NRG3: variants seen among roughly 807,000 people sequenced by gnomAD.
NRG3 encodes the protein neuregulin 3.
In NRG3, 31 loss-of-function variants were observed where a neutral mutation model predicts 66.9. The observed-to-expected ratio is 0.46, with a 90% CI of 0.35 to 0.63. The LOEUF is 0.63. Ranked by LOEUF, NRG3 falls within the 20% of genes least tolerant of loss-of-function variation. NRG3 has a pLI of 0.00. For missense variants in NRG3, 910 were observed against 878.9 expected, an observed-to-expected ratio of 1.04 and a Z score of -0.45; for synonymous variants, 393 against 359.4, an observed-to-expected ratio of 1.09 and a Z score of -1.06.
At chr10:82,405,404 C>G (rs183016748) in intron 2 of NRG3, among the ~76,000 whole-genome samples, 14 of 150,410 alleles carry the variant, frequency 9.3e-5, no homozygotes, top group African/African-American at 3.2e-4. Context: ...AATGGCATGA[C>G]AGAGATTGTT....
intron 2 of NRG3, among the ~76,000 whole-genome samples, chr10:82,428,362 T>C (rs2136298437): frequency 7.0e-6 from 1 of 142,778 alleles, no homozygotes; most frequent in South Asian, 2.1e-4. Flanking sequence ...TAGCTGAATT[T>C]CATAATTGTT....
chr10:82,562,821 G>T (rs890680983), intron 2 of NRG3, among the ~76,000 whole-genome samples: 4 of 151,370 alleles, frequency 2.6e-5, no homozygotes, highest in African/African-American at 9.7e-5. Context: ...AAGGGACACA[G>T]AGTGGGTGGG....
Position 82,181,586 on chromosome 10 carries a change from T to G in NRG3, c.824-177153T>G, listed in dbSNP as rs554551780. On this transcript the variant is annotated intron_variant, in intron 1 of 8. Transcript: ENST00000372141. The stretch of plus-strand genomic sequence containing the variant: ...GAACTTTCTAGGTTCATTTTGGTAT[T>G]TATTTCTAATTTCATTCCACTGTAG... 7.9e-5 allele frequency among the ~76,000 whole-genome samples: 12 copies of G among 151,956 alleles called. No individual in the cohort carries two copies. The South Asian group carries it at 2.1e-3, about 26-fold the overall frequency.
intron 3 of NRG3, among the ~76,000 whole-genome samples, chr10:82,846,101 A>G (rs1002094895): frequency 1.3e-5 from 2 of 152,100 alleles, no homozygotes; most frequent in African/African-American, 4.8e-5. Flanking sequence ...ATCCTGTTTC[A>G]TGGGTGGGAT....
At chr10:82,621,413 A>G (rs1293083153) in intron 2 of NRG3, among the ~76,000 whole-genome samples, 1 of 152,182 alleles carries the variant, frequency 6.6e-6, no homozygotes. Flanking sequence ...TCTTAGCTGC[A>G]GTTTTGACCC....
intron 6 of NRG3, among the ~76,000 whole-genome samples, chr10:82,959,952 C>T (rs530104149): frequency 1.1e-4 from 16 of 152,244 alleles, no homozygotes; most frequent in East Asian, 3.9e-4. Context: ...ACACAGCATC[C>T]GCACTTTCAG....
chr10:82,341,118 A>C (rs1444818209), intron 1 of NRG3, among the ~76,000 whole-genome samples: 2 of 152,132 alleles, frequency 1.3e-5, no homozygotes, highest in East Asian at 3.9e-4. Context: ...TACACCAGCT[A>C]TGTATGCCCA....
intron 1 of NRG3, among the ~76,000 whole-genome samples, chr10:82,268,844 A>G (rs1170733786): frequency 1.3e-5 from 2 of 151,970 alleles, no homozygotes; most frequent in Admixed American, 6.6e-5. Context: ...GAGGATTGAT[A>G]CTCTTTCCAC....
intron 1 of NRG3, among the ~76,000 whole-genome samples, chr10:82,157,901 T>G (rs1213997640): frequency 6.6e-6 from 1 of 151,684 alleles, no homozygotes; most frequent in African/African-American, 2.4e-5. Flanking sequence ...AACCCAAACA[T>G]TATCAAGTGA....
At chr10:82,682,894 T>G (rs960380758) in intron 2 of NRG3, among the ~76,000 whole-genome samples, 1 of 151,914 alleles carries the variant, frequency 6.6e-6, no homozygotes, top group Non-Finnish European at 1.5e-5. Context: ...TGACAGATGT[T>G]TACCACACAC....
intron 2 of NRG3, among the ~76,000 whole-genome samples, chr10:82,405,188 T>C (rs1243361419): frequency 6.6e-6 from 1 of 152,118 alleles, no homozygotes; most frequent in African/African-American, 2.4e-5. Context: ...AAGTCACATA[T>C]TATATTAGAT....
chr10:81,875,575 C>G lies in NRG3; in HGVS notation c.235C>G (p.Leu79Val). 2 of 1,613,572 alleles carry G rather than the reference C, an allele frequency of 1.2e-6. No individual in the cohort carries two copies. Among genetic ancestry groups the G allele is most frequent in the South Asian group, 1.1e-5 (1 of 91,088 alleles). ...VVPLFIGFIG[L>V]GLSLMLLKWI... Reference sequence around the variant, plus strand: ...ACCTCTGTTCATCGGCTTCATCGGCCTGGGGCTCAGCCTCATGCTTCTCAA... The same window carrying G: ...ACCTCTGTTCATCGGCTTCATCGGCGTGGGGCTCAGCCTCATGCTTCTCAA... Residue 79 changes from leucine (L) to valine (V), a missense_variant, in exon 1 of 9, where the codon CTG becomes GTG. Transcript: ENST00000372141. The surrounding 1 kb of genome is among the most constrained non-coding windows in gnomAD (Gnocchi z 5.3).
intron 4 of NRG3, among the ~76,000 whole-genome samples, chr10:82,949,652 C>T (rs984853073): frequency 3.3e-5 from 5 of 151,938 alleles, no homozygotes; most frequent in African/African-American, 7.3e-5. Context: ...GTCAGGAGTT[C>T]GAGACCAGTC....
rs994132447 is a variant in NRG3, at chr10:82,193,382, A to G, written c.824-165357A>G. On this transcript the variant is annotated intron_variant, in intron 1 of 8. Coordinates refer to ENST00000372141, the MANE Select transcript of NRG3 (RefSeq NM_001010848.4). ...GGTCTTGAACTCCTGACCTCAAGTA[A>G]TCCCCCTGCCTCGACCTCCCAAAGT... Among the ~76,000 whole-genome samples the G allele has an allele frequency of 4.5e-4, 69 of 152,148 alleles. 2 individuals are homozygous for G. Among genetic ancestry groups the G allele is most frequent in the Non-Finnish European group, 7.4e-5 (5 of 68,024 alleles).
At position 82,377,435 on chromosome 10, in the gene NRG3, CGTGT is replaced by C. The variant is rs200662785; in HGVS notation, c.953+18587_953+18590del. ...AGAGAGGTGTATGTGTGTGTGTGCG[CGTGT>C]GTGTGTGTGTGTGTGTGTGCGCGAG... On this transcript the variant is annotated intron_variant, in intron 2 of 8. Transcript: ENST00000372141. 1.1e-3 allele frequency among the ~76,000 whole-genome samples: 152 copies of C among 132,312 alleles called. 1 individual carries two copies. Among genetic ancestry groups the C allele is most frequent in the African/African-American group, 2.8e-3 (105 of 38,108 alleles). 86.8% of individuals were successfully genotyped at this position (132,312 alleles called of 152,430 possible).
At chr10:82,321,925 A>G (rs1188849966) in intron 1 of NRG3, among the ~76,000 whole-genome samples, 10 of 152,214 alleles carry the variant, frequency 6.6e-5, no homozygotes, top group Admixed American at 6.5e-4. Flanking sequence ...TGGGGCATCA[A>G]AGTGCTGTCT....
intron 1 of NRG3, among the ~76,000 whole-genome samples, chr10:82,255,752 A>G (rs949998983): frequency 6.7e-6 from 1 of 150,120 alleles, no homozygotes; most frequent in Non-Finnish European, 1.5e-5. Flanking sequence ...ACAGGCATGC[A>G]TCAACCACAC....
chr10:82,551,363 G>A (rs1283142993), intron 2 of NRG3, among the ~76,000 whole-genome samples: 1 of 152,064 alleles, frequency 6.6e-6, no homozygotes, highest in Non-Finnish European at 1.5e-5. Flanking sequence ...TGGTTAAGAA[G>A]TAGCTTGCAA....
At chr10:82,560,055 T>A (rs2044931426) in intron 2 of NRG3, among the ~76,000 whole-genome samples, 1 of 151,948 alleles carries the variant, frequency 6.6e-6, no homozygotes, top group Admixed American at 6.6e-5. Context: ...TGTCATCATC[T>A]TTCCTATTAA....
Sources: gnomAD v4.1 joint callset for allele counts (sites outside exome capture counted in the v4.1 genomes callset) on GRCh38, gnomAD v4.1.1 for gene constraint, Gnocchi (gnomAD v3.1) non-coding constraint, MANE v1.5 for transcripts, NCBI Gene and HGNC (gene_info 2026-07-23, HGNC 2026-07-21) for gene names.